JAZF1: variants seen among roughly 807,000 people sequenced by gnomAD.
The protein encoded by JAZF1 is juxtaposed with another zinc finger protein 1.
Under a neutral mutation model 26.4 loss-of-function variants are expected in JAZF1, and 8 were observed. The ratio of observed to expected loss-of-function variants is 0.30; its 90% CI spans 0.18 to 0.55. The LOEUF (loss-of-function observed/expected upper bound fraction) is 0.55. Among genes scored for constraint, JAZF1 ranks in the 20% least tolerant of loss-of-function variants. JAZF1 has a pLI of 0.94. For synonymous variants in JAZF1, 126 were observed against 122.3 expected, an observed-to-expected ratio of 1.03 and a Z score of -0.20; for missense variants, 199 against 322.0, an observed-to-expected ratio of 0.62 and a Z score of 2.92.
chr7:27,868,508 G>T (rs1296068102), intron 3 of JAZF1, among the ~76,000 whole-genome samples: 1 of 152,214 alleles, frequency 6.6e-6, no homozygotes, highest in Non-Finnish European at 1.5e-5. Context: ...GCTTGCTCCA[G>T]CCTGGCTGGT....
intron 1 of JAZF1, among the ~76,000 whole-genome samples, chr7:28,049,600 C>A (rs1176552466): frequency 6.6e-6 from 1 of 152,114 alleles, no homozygotes; most frequent in African/African-American, 2.4e-5. Flanking sequence ...ATTTCAGATG[C>A]CAATTGAAAG....
intron 1 of JAZF1, among the ~76,000 whole-genome samples, chr7:28,065,256 T>C (rs1361091219): frequency 6.6e-6 from 1 of 152,170 alleles, no homozygotes; most frequent in Non-Finnish European, 1.5e-5. Flanking sequence ...AGACATAGTC[T>C]GGGGTTCTTG....
intron 1 of JAZF1, among the ~76,000 whole-genome samples, chr7:28,024,119 TA>T (rs1317747790): frequency 0.015 from 2,160 of 142,288 alleles, 40 homozygotes; most frequent in African/African-American, 0.049. Flanking sequence ...GACCCATCTC[TA>T]AAAAAAAAAA....
At chr7:27,883,624 C>G (rs963551764) in intron 3 of JAZF1, among the ~76,000 whole-genome samples, 1 of 152,030 alleles carries the variant, frequency 6.6e-6, no homozygotes, top group African/African-American at 2.4e-5. Context: ...TGGACTGAAC[C>G]TGGGCGGCTT....
At chr7:28,013,083 TA>T (rs1782824638) in intron 1 of JAZF1, among the ~76,000 whole-genome samples, 1 of 152,154 alleles carries the variant, frequency 6.6e-6, no homozygotes. Flanking sequence ...GTTTATCAAG[TA>T]GCGGCTCCTT....
chr7:27,950,780 A>G (rs964296323), intron 2 of JAZF1, among the ~76,000 whole-genome samples: 2 of 152,160 alleles, frequency 1.3e-5, no homozygotes, highest in Non-Finnish European at 1.5e-5. Flanking sequence ...ATAAGACTAC[A>G]TCGAGTAGTT....
chr7:28,109,896 C>A lies in JAZF1; in HGVS notation c.115+70567G>T, dbSNP rs145228146. ...AGATGGGCATATGAAGACTTGAATC[C>A]TAAACAGCCTAAGTGAATTTAAAAA... On this transcript the variant is annotated intron_variant, in intron 1 of 4. Coordinates refer to ENST00000283928, the MANE Select transcript of JAZF1 (RefSeq NM_175061.4). Among the ~76,000 whole-genome samples the A allele has an allele frequency of 3.1e-3, 473 of 152,230 alleles. 4 individuals are homozygous for A. Among genetic ancestry groups the A allele is most frequent in the African/African-American group, 0.011 (457 of 41,554 alleles).
chr7:28,111,529 T>G (rs752998589), intron 1 of JAZF1, among the ~76,000 whole-genome samples: 6 of 152,244 alleles, frequency 3.9e-5, no homozygotes, highest in Non-Finnish European at 8.8e-5. Context: ...TATCACATGA[T>G]AGCTATGTCT....
chr7:28,115,408 TTAGAC>T, intron 1 of JAZF1, among the ~76,000 whole-genome samples: 1 of 152,302 alleles, frequency 6.6e-6, no homozygotes, highest in East Asian at 1.9e-4. Flanking sequence ...ACATCTCAAT[TTAGAC>T]TAGCCACATT....
intron 1 of JAZF1, among the ~76,000 whole-genome samples, chr7:28,127,720 C>G (rs904185647): frequency 6.6e-6 from 1 of 152,136 alleles, no homozygotes; most frequent in African/African-American, 2.4e-5. Flanking sequence ...TTCAGCATGG[C>G]TGGGGAGGCC....
chr7:27,831,463 A>G lies in JAZF1; in HGVS notation c.*1337T>C, dbSNP rs568747422. The G allele has an allele frequency of 4.4e-6, 1 of 229,322 alleles. No homozygotes were observed. Among genetic ancestry groups the G allele is most frequent in the East Asian group, 6.2e-5 (1 of 16,048 alleles). 14.2% of individuals were successfully genotyped at this position (229,322 alleles called of 1,614,324 possible). On this transcript the variant is annotated 3_prime_UTR_variant, in exon 5 of 5. Transcript: ENST00000283928. ...TTTAAGGAATAGCACTTGGGAGAAA[A>G]GAACACTCAAGGCATGATGGTACTG... is the stretch of plus-strand genomic sequence containing the variant.
intron 2 of JAZF1, among the ~76,000 whole-genome samples, chr7:27,963,660 C>T (rs779595716): frequency 2.6e-4 from 39 of 149,348 alleles, no homozygotes; most frequent in Non-Finnish European, 4.6e-4. Flanking sequence ...CTCCTGGCCT[C>T]AAGTGATCCT....
chr7:28,068,789 A>G (rs1183340481), intron 1 of JAZF1, among the ~76,000 whole-genome samples: 1 of 152,222 alleles, frequency 6.6e-6, no homozygotes, highest in Non-Finnish European at 1.5e-5. Flanking sequence ...CTTTGTTTTA[A>G]AATCATATAA....
chr7:28,020,372 G>A (rs759715576), intron 1 of JAZF1, among the ~76,000 whole-genome samples: 16 of 152,146 alleles, frequency 1.1e-4, no homozygotes, highest in Admixed American at 2.0e-4. Flanking sequence ...CATGGAAAAC[G>A]GCACAGGGAA....
At chr7:28,048,648 T>C (rs1033449643) in intron 1 of JAZF1, among the ~76,000 whole-genome samples, 2 of 152,232 alleles carry the variant, frequency 1.3e-5, no homozygotes, top group African/African-American at 2.4e-5. Context: ...ATTTTCATTA[T>C]GATTTCTTCT....
intron 1 of JAZF1, among the ~76,000 whole-genome samples, chr7:28,075,913 C>T (rs940425035): frequency 6.6e-5 from 10 of 152,134 alleles, no homozygotes; most frequent in Admixed American, 5.2e-4. Flanking sequence ...ATGGGAGAGA[C>T]AAGAGATAGA....
intron 1 of JAZF1, among the ~76,000 whole-genome samples, chr7:28,179,861 G>T (rs1783609954): frequency 6.8e-6 from 1 of 146,210 alleles, no homozygotes; most frequent in Admixed American, 6.8e-5. Flanking sequence ...ACGCAGTGGC[G>T]GCGGCGGCGG....
chr7:27,937,870 G>A (rs1212804348), intron 2 of JAZF1, among the ~76,000 whole-genome samples: 1 of 152,184 alleles, frequency 6.6e-6, no homozygotes, highest in Non-Finnish European at 1.5e-5. Context: ...AATTCTTACA[G>A]TCCTATCCCA....
chr7:28,067,772 A>G (rs1461638759), intron 1 of JAZF1, among the ~76,000 whole-genome samples: 1 of 152,216 alleles, frequency 6.6e-6, no homozygotes, highest in Non-Finnish European at 1.5e-5. Flanking sequence ...TGCTCAAACC[A>G]ATCTTCAAAC....
Sources: gnomAD v4.1 joint callset for allele counts (sites outside exome capture counted in the v4.1 genomes callset) on GRCh38, gnomAD v4.1.1 for gene constraint, MANE v1.5 for transcripts, NCBI Gene and HGNC (gene_info 2026-07-23, HGNC 2026-07-21) for gene names.